FUCA2: variants seen among roughly 807,000 people sequenced by gnomAD.
FUCA2 encodes plasma alpha-L-fucosidase.
Under a neutral mutation model 52.6 loss-of-function variants are expected in FUCA2, and 41 were observed. The ratio of observed to expected loss-of-function variants is 0.78; its 90% CI spans 0.61 to 1.01. FUCA2 has a LOEUF of 1.01. FUCA2 is among the 50% of genes least tolerant of loss of function. The pLI is 0.00. For missense variants in FUCA2, 507 were observed against 569.5 expected, an observed-to-expected ratio of 0.89 and a Z score of 1.12; for synonymous variants, 211 against 217.3, an observed-to-expected ratio of 0.97 and a Z score of 0.26.
In FUCA2 at chr6:143,511,550, GGGCAGGGCACGGCGGCGGC is replaced by G; in HGVS notation, c.66_84del (p.Pro23ThrfsTer62). 6.3e-7 allele frequency: 1 copy of G among 1,578,564 alleles called. No individual in the cohort carries two copies. The highest frequency in any genetic ancestry group is 8.6e-7 in the Non-Finnish European group (1 of 1,162,690). ...GTGGGGTCGAAGCGCGTGGCGCTGT[GGGCAGGGCACGGCGGCGGC>G]GGCAGCAGCAGCAACAGCAACAGCA... On this transcript the variant is annotated frameshift_variant, in exon 1 of 7. Transcript: ENST00000002165. LOFTEE classifies it high-confidence loss of function. The surrounding 1 kb of genome is among the most constrained non-coding windows in gnomAD (Gnocchi z 6.3).
In FUCA2 at chr6:143,504,106, AC is replaced by A. The variant is rs1780567462; in HGVS notation, c.558del (p.Trp186CysfsTer31). On this transcript the variant is annotated frameshift_variant, in exon 3 of 7. Coordinates refer to ENST00000002165, the MANE Select transcript of FUCA2 (RefSeq NM_032020.5). LOFTEE classifies it high-confidence loss of function. The surrounding 1 kb of genome is among the most constrained non-coding windows in gnomAD (Gnocchi z 4.4). ...RFGLYYSLFE[W>X]FHPLFLEDES... The stretch of plus-strand genomic sequence containing the variant: ...TCATCCTCAAGGAAGAGCGGATGAA[AC>A]CATTCAAAAAGGGAATAGTACAGTC... 3.1e-6 allele frequency: 5 copies of A among 1,614,190 alleles called. No individual in the cohort carries two copies. The highest frequency in any genetic ancestry group is 4.2e-6 in the Non-Finnish European group (5 of 1,180,028).
chr6:143,497,686 G>T lies in FUCA2; in HGVS notation c.1155-189C>A, dbSNP rs1308149258. Among the ~76,000 whole-genome samples, 1 of 152,178 alleles carries T rather than the reference G, an allele frequency of 6.6e-6. No individual in the cohort carries two copies. Among genetic ancestry groups the T allele is most frequent in the African/African-American group, 2.4e-5 (1 of 41,448 alleles). ...CTTCCTCCCCCAAGACCAAAAGGAA[G>T]TTCTTGGAAGACAAAGATTTTCCTG... On this transcript the variant is annotated intron_variant, in intron 5 of 6. Coordinates refer to ENST00000002165, the MANE Select transcript of FUCA2 (RefSeq NM_032020.5). The surrounding 1 kb of genome is among the most constrained non-coding windows in gnomAD (Gnocchi z 5.3).
At position 143,507,449 on chromosome 6, in the gene FUCA2, C is replaced by G. The variant is rs1347607927; in HGVS notation, c.225-25G>C. The G allele has an allele frequency of 1.3e-6, 2 of 1,521,938 alleles. No homozygotes were observed. The highest frequency in any genetic ancestry group is 1.4e-5 in the African/African-American group (1 of 71,118). The allele number at this position is 1,521,938 out of a possible 1,614,324, so 94.3% of individuals were successfully genotyped here. ...CCTAAGGGGAGGAAAGGAAAGAGTGCATAAACAGCACATACACACATATTT... is the reference window on the plus strand; with the variant it reads ...CCTAAGGGGAGGAAAGGAAAGAGTGGATAAACAGCACATACACACATATTT... On this transcript the variant is annotated intron_variant, in intron 1 of 6. Coordinates refer to ENST00000002165, the MANE Select transcript of FUCA2 (RefSeq NM_032020.5). This position sits in a 1 kb window ranked among gnomAD's most constrained non-coding sequence, Gnocchi z 4.5.
At chr6:143,498,050 A>G (rs1483068033) in intron 5 of FUCA2, among the ~76,000 whole-genome samples, 1 of 152,194 alleles carries the variant, frequency 6.6e-6, no homozygotes, top group African/African-American at 2.4e-5. Flanking sequence ...AGAGATTATA[A>G]CAAAAGGATC....
intron 2 of FUCA2, chr6:143,505,110 A>C (rs2128422285): frequency 6.6e-6 from 1 of 152,322 alleles, no homozygotes; most frequent in Non-Finnish European, 1.5e-5. Context: ...TAGAAGAGAT[A>C]TATAAACTGA....
rs745746267 is a variant in FUCA2, at chr6:143,507,287, A to C, written c.362T>G (p.Phe121Cys). 3.7e-6 allele frequency: 6 copies of C among 1,605,202 alleles called. No individual in the cohort carries two copies. The highest frequency in any genetic ancestry group is 1.1e-5 in the South Asian group (1 of 89,038). ...FFNANQWADIFQASGAKYIVL... is the reference protein window; with the variant it reads ...FFNANQWADICQASGAKYIVL... ...AATGTATTTGGCACCAGAGGCCTGA[A>C]AAATATCTGCCCACTGGTTGGCATT... is the stretch of plus-strand genomic sequence containing the variant. The change falls in exon 2 of 7, where the codon TTT becomes TGT. Residue 121 changes from phenylalanine (F) to cysteine (C), a missense_variant. Phe to Cys is a radical substitution (Grantham distance 205). Coordinates refer to ENST00000002165, the MANE Select transcript of FUCA2 (RefSeq NM_032020.5). This position sits in a 1 kb window ranked among gnomAD's most constrained non-coding sequence, Gnocchi z 4.5.
At position 143,504,382 on chromosome 6, in the gene FUCA2, T is replaced by C; in HGVS notation, c.413-130A>G. On this transcript the variant is annotated intron_variant, in intron 2 of 6. Coordinates refer to ENST00000002165, the MANE Select transcript of FUCA2 (RefSeq NM_032020.5). The surrounding 1 kb of genome is among the most constrained non-coding windows in gnomAD (Gnocchi z 4.4). ...AATACCTGCTCCTACAAATGACTGT[T>C]TTATGGCCATTTTTTCATAGCATAT... 1.4e-6 allele frequency: 1 copy of C among 729,560 alleles called. No homozygotes were observed. The highest frequency in any genetic ancestry group is 2.2e-6 in the Non-Finnish European group (1 of 449,934). 45.2% of individuals were successfully genotyped at this position (729,560 alleles called of 1,614,324 possible). A position where few individuals can be genotyped will look rare whatever the true frequency, so the allele number is the denominator to read the frequency against.
rs1470945711 is a variant in FUCA2, at chr6:143,502,337, C to T, written c.963+18G>A. 4 of 1,607,132 alleles carry T rather than the reference C, an allele frequency of 2.5e-6. No homozygotes were observed. Among genetic ancestry groups the T allele is most frequent in the Non-Finnish European group, 3.4e-6 (4 of 1,174,894 alleles). On this transcript the variant is annotated intron_variant, in intron 4 of 6. Coordinates refer to ENST00000002165, the MANE Select transcript of FUCA2 (RefSeq NM_032020.5). The surrounding 1 kb of genome is among the most constrained non-coding windows in gnomAD (Gnocchi z 4.1). ...ATTAAGAATATTATGTTAATAGCCA[C>T]CAGACATTTCACTGTACCTTCACCA...
rs762302563 is a variant in FUCA2, at chr6:143,502,412, C to T, written c.906G>A (p.Trp302Ter). Reference sequence around the variant, plus strand: ...AGATTCCAGCTTCCCTCCTATAGCCCCAGGACAGTTTGTCTATTGTCATGC... The same window carrying T: ...AGATTCCAGCTTCCCTCCTATAGCCTCAGGACAGTTTGTCTATTGTCATGC... The part of the protein sequence containing the change: ...ENCMTIDKLS[W>*]GYRREAGISD... Residue 302 changes from tryptophan (W) to a stop codon, truncating the protein, a stop_gained, in exon 4 of 7, where the codon TGG (tryptophan) becomes TGA (stop). Transcript: ENST00000002165. LOFTEE classifies it high-confidence loss of function. This position sits in a 1 kb window ranked among gnomAD's most constrained non-coding sequence, Gnocchi z 4.1. 9 of 1,613,906 alleles carry T rather than the reference C, an allele frequency of 5.6e-6. No individual in the cohort carries two copies. Among genetic ancestry groups the T allele is most frequent in the Admixed American group, 1.7e-5 (1 of 59,984 alleles).
rs1314413584 is a variant in FUCA2 at position 143,500,082 on chromosome 6, CAGTT to C, written c.1154+1846_1154+1849del. On this transcript the variant is annotated intron_variant, in intron 5 of 6. Coordinates refer to ENST00000002165, the MANE Select transcript of FUCA2 (RefSeq NM_032020.5). The surrounding 1 kb of genome is among the most constrained non-coding windows in gnomAD (Gnocchi z 6.9). ...TGTGTGTGTGTGTTTCCATAGTTAA[CAGTT>C]AGCTGTCCAGAAGCAGGCATGGAAT... Among the ~76,000 whole-genome samples, 1 of 151,732 alleles carries C rather than the reference CAGTT, an allele frequency of 6.6e-6. No individual in the cohort carries two copies. The highest frequency in any genetic ancestry group is 1.9e-4 in the East Asian group (1 of 5,176).
At position 143,507,204 on chromosome 6, in the gene FUCA2, T is replaced by C; in HGVS notation, c.412+33A>G. On this transcript the variant is annotated intron_variant, in intron 2 of 6. Transcript: ENST00000002165. The surrounding 1 kb of genome is among the most constrained non-coding windows in gnomAD (Gnocchi z 4.5). ...GAACAACTTTTCATTTCTTAACCAT[T>C]GTCAGCAATTTCCATAGGCTGGATT... is the stretch of plus-strand genomic sequence containing the variant. 1 of 1,535,642 alleles carries C rather than the reference T, an allele frequency of 6.5e-7. No individual in the cohort carries two copies. The highest frequency in any genetic ancestry group is 8.7e-7 in the Non-Finnish European group (1 of 1,143,444).
In FUCA2 at chr6:143,495,921, G is replaced by C; in HGVS notation, c.1264-74C>G. 6.7e-7 allele frequency: 1 copy of C among 1,484,600 alleles called. No homozygotes were observed. The highest frequency in any genetic ancestry group is 1.2e-5 in the South Asian group (1 of 81,612). 92.0% of individuals were successfully genotyped at this position (1,484,600 alleles called of 1,614,324 possible). On this transcript the variant is annotated intron_variant, in intron 6 of 6. Coordinates refer to ENST00000002165, the MANE Select transcript of FUCA2 (RefSeq NM_032020.5). This position sits in a 1 kb window ranked among gnomAD's most constrained non-coding sequence, Gnocchi z 5.2. ...CTCACCCACTTTCTATTGGGAAGGA[G>C]TGATTAGTAGTTCAAACAAAATTGT...
In FUCA2 at chr6:143,510,682, A is replaced by G. The variant is rs1460554287; in HGVS notation, c.224+729T>C. ...ATATATTATGTGTATGTTTCTATATATGCACACAAAATATTTCTGTTTTGA... is the reference window on the plus strand; with the variant it reads ...ATATATTATGTGTATGTTTCTATATGTGCACACAAAATATTTCTGTTTTGA... On this transcript the variant is annotated intron_variant, in intron 1 of 6. Coordinates refer to ENST00000002165, the MANE Select transcript of FUCA2 (RefSeq NM_032020.5). This position sits in a 1 kb window ranked among gnomAD's most constrained non-coding sequence, Gnocchi z 4.4. Among the ~76,000 whole-genome samples the G allele has an allele frequency of 6.6e-6, 1 of 152,044 alleles. No homozygotes were observed. Among genetic ancestry groups the G allele is most frequent in the Non-Finnish European group, 1.5e-5 (1 of 68,008 alleles).
chr6:143,506,997 T>C (rs910405418), intron 2 of FUCA2: 12 of 462,864 alleles, frequency 2.6e-5, no homozygotes, highest in African/African-American at 2.3e-4. Context: ...TTGTTCAAAA[T>C]ACATGTGACA....
rs573703653 is a variant in FUCA2 at position 143,499,262 on chromosome 6, G to A, written c.1155-1765C>T. Among the ~76,000 whole-genome samples the A allele has an allele frequency of 6.6e-6, 1 of 152,294 alleles. No homozygotes were observed. The highest frequency in any genetic ancestry group is 2.4e-5 in the African/African-American group (1 of 41,558). Reference sequence around the variant, plus strand: ...GCCATGAAAATGGATAAGATCACCTGGGACATTAAGATAAACGCAGTGGCT... The same window carrying A: ...GCCATGAAAATGGATAAGATCACCTAGGACATTAAGATAAACGCAGTGGCT... On this transcript the variant is annotated intron_variant, in intron 5 of 6. Coordinates refer to ENST00000002165, the MANE Select transcript of FUCA2 (RefSeq NM_032020.5). This position sits in a 1 kb window ranked among gnomAD's most constrained non-coding sequence, Gnocchi z 6.0.
chr6:143,502,476 T>C lies in FUCA2; in HGVS notation c.842A>G (p.Tyr281Cys). 1 of 1,614,128 alleles carries C rather than the reference T, an allele frequency of 6.2e-7. No homozygotes were observed. The highest frequency in any genetic ancestry group is 8.5e-7 in the Non-Finnish European group (1 of 1,179,994). The change falls in exon 4 of 7, where the codon TAT (tyrosine) becomes TGT (cysteine). Residue 281 changes from tyrosine (Y) to cysteine (C), a missense_variant. By Grantham distance (194) the Tyr-to-Cys change is radical. Coordinates refer to ENST00000002165, the MANE Select transcript of FUCA2 (RefSeq NM_032020.5). The surrounding 1 kb of genome is among the most constrained non-coding windows in gnomAD (Gnocchi z 4.1). Reference sequence around the variant, plus strand: ...ATGTGGCAAAAGATGTCCTGGGTTATAACGATCACTGCAGGTATAGAAGCC... The same window carrying C: ...ATGTGGCAAAAGATGTCCTGGGTTACAACGATCACTGCAGGTATAGAAGCC... ...HGGFYTCSDR[Y>C]NPGHLLPHKW...
rs1584026329 is a variant in FUCA2, at chr6:143,500,563, G to T, written c.1154+1369C>A. 6.6e-6 allele frequency among the ~76,000 whole-genome samples: 1 copy of T among 152,184 alleles called. No individual in the cohort carries two copies. Among genetic ancestry groups the T allele is most frequent in the East Asian group, 1.9e-4 (1 of 5,198 alleles). On this transcript the variant is annotated intron_variant, in intron 5 of 6. Coordinates refer to ENST00000002165, the MANE Select transcript of FUCA2 (RefSeq NM_032020.5). This position sits in a 1 kb window ranked among gnomAD's most constrained non-coding sequence, Gnocchi z 6.9. ...CAAAAATTTAAAACTCAGGGCTTCA[G>T]TTGTGGACGTACAGGTCTAAGATGC...
In FUCA2 at chr6:143,500,380, C is replaced by T. The variant is rs1308315042; in HGVS notation, c.1154+1552G>A. On this transcript the variant is annotated intron_variant, in intron 5 of 6. Transcript: ENST00000002165. The surrounding 1 kb of genome is among the most constrained non-coding windows in gnomAD (Gnocchi z 6.9). The stretch of plus-strand genomic sequence containing the variant: ...ATGGCAGAATCCTTCAAACTGGAGC[C>T]GTGGAAGGGGTTCAGTTATTGGTAA... Among the ~76,000 whole-genome samples, 13 of 151,970 alleles carry T rather than the reference C, an allele frequency of 8.6e-5. No individual in the cohort carries two copies. The highest frequency in any genetic ancestry group is 1.9e-4 in the East Asian group (1 of 5,184).
chr6:143,504,865 A>C lies in FUCA2; in HGVS notation c.413-613T>G, dbSNP rs223232. ...TATTTAACCAGAGGGGCAAAAAAAA[A>C]CCCCTACTATTCCCAATAGTTCTAT... On this transcript the variant is annotated intron_variant, in intron 2 of 6. Coordinates refer to ENST00000002165, the MANE Select transcript of FUCA2 (RefSeq NM_032020.5). The surrounding 1 kb of genome is among the most constrained non-coding windows in gnomAD (Gnocchi z 4.4). 0.39 allele frequency: 58,837 copies of C among 149,760 alleles called. 11,576 individuals are homozygous for C. The highest frequency in any genetic ancestry group is 0.55 in the East Asian group (2,841 of 5,154). The allele number at this position is 149,760 out of a possible 1,614,324, so 9.3% of individuals were successfully genotyped here.
Sources: gnomAD v4.1 joint callset for allele counts (sites outside exome capture counted in the v4.1 genomes callset) on GRCh38, gnomAD v4.1.1 for gene constraint, Gnocchi (gnomAD v3.1) non-coding constraint, MANE v1.5 for transcripts, NCBI Gene and HGNC (gene_info 2026-07-23, HGNC 2026-07-21) for gene names.